The following GALNT13 variants were observed in gnomAD, a reference collection of about 807,000 sequenced individuals.
The protein encoded by GALNT13 is polypeptide N-acetylgalactosaminyltransferase 13, also known as UDP-GalNAc:polypeptide N-acetylgalactosaminyltransferase 13.
In GALNT13, 28 loss-of-function variants were observed where a neutral mutation model predicts 64.2. The ratio of observed to expected loss-of-function variants is 0.44; its 90% CI spans 0.32 to 0.60. The LOEUF (loss-of-function observed/expected upper bound fraction) is 0.60, where lower values mean the gene tolerates loss of function less well. Among genes scored for constraint, GALNT13 ranks in the 20% least tolerant of loss-of-function variants. The probability of loss-of-function intolerance (pLI) is 0.05; values close to 1 mark genes in which losing one functional copy is unlikely to be tolerated. For missense variants in GALNT13, 577 were observed against 669.8 expected, an observed-to-expected ratio of 0.86 and a Z score of 1.53; for synonymous variants, 214 against 224.6, an observed-to-expected ratio of 0.95 and a Z score of 0.42.
intron 3 of GALNT13, among the ~76,000 whole-genome samples, chr2:154,091,792 C>T (rs1168628350): frequency 6.6e-6 from 1 of 151,364 alleles, no homozygotes; most frequent in East Asian, 1.9e-4. Context: ...TTATTTTTTT[C>T]CACTATATTG....
chr2:153,831,365 C>G, the GALNT13 span, among the ~76,000 whole-genome samples: 1 of 152,136 alleles, frequency 6.6e-6, no homozygotes, highest in Admixed American at 6.5e-5. Flanking sequence ...ATAAGAAGTG[C>G]TAGCAGGAGG....
At chr2:153,555,300 T>C in the GALNT13 span, among the ~76,000 whole-genome samples, 24,302 of 118,412 alleles carry the variant, frequency 0.21, 5,545 homozygotes, top group African/African-American at 0.46. Context: ...GTTCACGCCA[T>C]TCTCCTGCCT....
the GALNT13 span, among the ~76,000 whole-genome samples, chr2:153,602,256 A>G: frequency 1.3e-5 from 2 of 151,892 alleles, no homozygotes; most frequent in East Asian, 3.9e-4. Flanking sequence ...TCTTCTAAGT[A>G]CTATTTTAGG....
the GALNT13 span, among the ~76,000 whole-genome samples, chr2:153,369,707 T>G: frequency 1.3e-5 from 2 of 152,188 alleles, no homozygotes; most frequent in Non-Finnish European, 2.9e-5. Flanking sequence ...TTGGGCATTC[T>G]TTCTTCCTTT....
intron 2 of GALNT13, among the ~76,000 whole-genome samples, chr2:153,918,791 C>T (rs1689565033): frequency 6.6e-6 from 1 of 152,034 alleles, no homozygotes; most frequent in South Asian, 2.1e-4. Context: ...CCCTTAAAAC[C>T]AAAAATGCAT....
chr2:154,131,437 T>G (rs1682610109), intron 3 of GALNT13, among the ~76,000 whole-genome samples: 1 of 152,218 alleles, frequency 6.6e-6, no homozygotes, highest in Non-Finnish European at 1.5e-5. Flanking sequence ...GAATTTCCTG[T>G]GAGGAACTTA....
chr2:153,550,987 G>C, the GALNT13 span, among the ~76,000 whole-genome samples: 146 of 152,266 alleles, frequency 9.6e-4, no homozygotes, highest in African/African-American at 3.3e-3. Flanking sequence ...GCTGAGGGTG[G>C]CTAGAGAGGG....
chr2:153,611,751 C>T, the GALNT13 span, among the ~76,000 whole-genome samples: 1 of 121,052 alleles, frequency 8.3e-6, no homozygotes, highest in Non-Finnish European at 1.6e-5. Flanking sequence ...AGGTTTGTTA[C>T]ATAGGTATAC....
chr2:153,711,754 A>G, the GALNT13 span, among the ~76,000 whole-genome samples: 10 of 152,146 alleles, frequency 6.6e-5, no homozygotes, highest in African/African-American at 2.2e-4. Flanking sequence ...TCCTTACTCA[A>G]AAATGCAAGT....
intron 3 of GALNT13, among the ~76,000 whole-genome samples, chr2:154,062,189 G>C (rs1012758814): frequency 6.6e-6 from 1 of 152,134 alleles, no homozygotes; most frequent in Non-Finnish European, 1.5e-5. Flanking sequence ...CCAGAGTTTA[G>C]TGTTCTGAGT....
chr2:154,200,110 C>T (rs1687093139), intron 4 of GALNT13, among the ~76,000 whole-genome samples: 1 of 151,988 alleles, frequency 6.6e-6, no homozygotes. Context: ...AAAGTTTCTA[C>T]AAATTGTTAT....
intron 4 of GALNT13, among the ~76,000 whole-genome samples, chr2:154,188,014 TTCTC>T (rs10635676): frequency 0.15 from 21,526 of 144,316 alleles, 1,793 homozygotes; most frequent in East Asian, 0.26. Context: ...GCATCAGGCA[TTCTC>T]TCTCTCTCTC....
Position 154,451,062 on chromosome 2 carries a change from A to G in GALNT13, c.*511A>G, listed in dbSNP as rs956468863. The G allele has an allele frequency of 1.3e-5, 2 of 152,376 alleles. No homozygotes were observed. Among genetic ancestry groups the G allele is most frequent in the African/African-American group, 4.8e-5 (2 of 41,440 alleles). The allele number at this position is 152,376 out of a possible 1,614,324, so 9.4% of individuals were successfully genotyped here. ...TGAATTCATCTTACAAAATGTTCCA[A>G]GTTTTGGACAAGGAAAAACATTACA... On this transcript the variant is annotated 3_prime_UTR_variant, in exon 13 of 13. Coordinates refer to ENST00000392825, the MANE Select transcript of GALNT13 (RefSeq NM_052917.4).
At chr2:154,376,407 T>C (rs1349920025) in intron 9 of GALNT13, among the ~76,000 whole-genome samples, 1 of 152,160 alleles carries the variant, frequency 6.6e-6, no homozygotes, top group Non-Finnish European at 1.5e-5. Flanking sequence ...CTAAATCATG[T>C]AATCTTTGTT....
chr2:153,832,436 G>A, the GALNT13 span, among the ~76,000 whole-genome samples: 4 of 152,096 alleles, frequency 2.6e-5, no homozygotes, highest in Non-Finnish European at 5.9e-5. Flanking sequence ...TGGGATTTAA[G>A]TTGTTCAGGG....
chr2:154,320,404 G>T (rs1694559671), intron 9 of GALNT13, among the ~76,000 whole-genome samples: 1 of 152,162 alleles, frequency 6.6e-6, no homozygotes, highest in African/African-American at 2.4e-5. Flanking sequence ...TAACATGGAA[G>T]TAAACAGAGA....
At chr2:153,456,867 G>A in the GALNT13 span, among the ~76,000 whole-genome samples, 2 of 152,102 alleles carry the variant, frequency 1.3e-5, no homozygotes, top group African/African-American at 4.8e-5. Flanking sequence ...TTACACATGC[G>A]GATGAATGCA....
the GALNT13 span, among the ~76,000 whole-genome samples, chr2:153,126,341 T>C: frequency 1.3e-5 from 1 of 75,388 alleles, no homozygotes; most frequent in Non-Finnish European, 2.8e-5. Flanking sequence ...TATATATATA[T>C]ATATATGATA....
At chr2:154,367,578 A>G (rs1039669931) in intron 9 of GALNT13, among the ~76,000 whole-genome samples, 1 of 152,184 alleles carries the variant, frequency 6.6e-6, no homozygotes, top group Non-Finnish European at 1.5e-5. Context: ...TTTCAAGAGT[A>G]TAAAATAACA....
Sources: gnomAD v4.1 joint callset for allele counts (sites outside exome capture counted in the v4.1 genomes callset) on GRCh38, gnomAD v4.1.1 for gene constraint, MANE v1.5 for transcripts, NCBI Gene and HGNC (gene_info 2026-07-23, HGNC 2026-07-21) for gene names.